Variants in SLC17A5 observed in about 807,000 individuals in gnomAD.
SLC17A5 encodes sialin.
A neutral mutation model predicts 59.4 loss-of-function variants in SLC17A5; 47 were observed. That is an observed-to-expected ratio of 0.79 (90% CI 0.63 to 1.01). SLC17A5 has a LOEUF of 1.01. SLC17A5 is among the 50% of genes least tolerant of loss of function. SLC17A5 has a pLI of 0.00. For missense variants in SLC17A5, 522 were observed against 595.5 expected (o/e 0.88, Z 1.28); for synonymous variants, 202 against 210.7 (o/e 0.96, Z 0.36).
intron 10 of SLC17A5, among the ~76,000 whole-genome samples, chr6:73,597,775 C>T (rs2150073608): frequency 6.6e-6 from 1 of 152,078 alleles, no homozygotes; most frequent in Non-Finnish European, 1.5e-5. Context: ...GATGGAGACC[C>T]TGTCTCAAAA....
At chr6:73,637,707 C>A (rs955487204) in intron 4 of SLC17A5, among the ~76,000 whole-genome samples, 4 of 152,094 alleles carry the variant, frequency 2.6e-5, no homozygotes, top group African/African-American at 9.7e-5. Context: ...CTGAAATGCT[C>A]TTCTCCCTGC....
rs774237535 is a variant in SLC17A5 at position 73,610,449 on chromosome 6, C to G, written c.1210G>C (p.Gly404Arg). Residue 404 changes from glycine (G) to arginine (R), a missense_variant, in exon 9 of 11, where the codon GGC becomes CGC. Coordinates refer to ENST00000355773, the MANE Select transcript of SLC17A5 (RefSeq NM_012434.5). ...AFLTISTTLGGFCSSGFSINH... is the reference protein window; with the variant it reads ...AFLTISTTLGRFCSSGFSINH... ...ATGCTAAATCCAGAAGAGCAAAAGCCTCCCAGTGTTGTTGATATAGTTAGG... is the reference window on the plus strand; with the variant it reads ...ATGCTAAATCCAGAAGAGCAAAAGCGTCCCAGTGTTGTTGATATAGTTAGG... The G allele has an allele frequency of 6.2e-7, 1 of 1,614,154 alleles. No homozygotes were observed. Among genetic ancestry groups the G allele is most frequent in the Non-Finnish European group, 8.5e-7 (1 of 1,180,030 alleles).
intron 1 of SLC17A5, chr6:73,653,497 C>G: frequency 2.0e-6 from 2 of 979,956 alleles, no homozygotes; most frequent in Non-Finnish European, 2.4e-6. Flanking sequence ...TGCACCGCCG[C>G]TCCCCCGCCC....
intron 9 of SLC17A5, among the ~76,000 whole-genome samples, chr6:73,601,669 C>T (rs1391865426): frequency 2.0e-5 from 2 of 100,196 alleles, no homozygotes; most frequent in Non-Finnish European, 2.1e-5. Flanking sequence ...CAGCCAGATG[C>T]CCCGTCCAGG....
intron 6 of SLC17A5, among the ~76,000 whole-genome samples, chr6:73,625,796 G>T (rs1254923803): frequency 6.6e-6 from 1 of 152,148 alleles, no homozygotes; most frequent in East Asian, 1.9e-4. Flanking sequence ...TGAGACCAAG[G>T]TCACACCACA....
intron 7 of SLC17A5, among the ~76,000 whole-genome samples, chr6:73,620,787 C>A (rs595884): frequency 6.7e-6 from 1 of 149,188 alleles, no homozygotes; most frequent in African/African-American, 2.5e-5. Flanking sequence ...AGGGGCATGA[C>A]CTCAGCTCAC....
chr6:73,603,147 T>A (rs1182149386), intron 9 of SLC17A5, among the ~76,000 whole-genome samples: 1 of 152,164 alleles, frequency 6.6e-6, no homozygotes, highest in Non-Finnish European at 1.5e-5. Flanking sequence ...ATTACATTTT[T>A]TTTTTTGAGA....
chr6:73,609,744 T>G (rs529617855), intron 9 of SLC17A5, among the ~76,000 whole-genome samples: 1 of 152,338 alleles, frequency 6.6e-6, no homozygotes, highest in East Asian at 1.9e-4. Flanking sequence ...GTTAAAAGTT[T>G]AAATTTAAAA....
chr6:73,641,926 T>G lies in SLC17A5; in HGVS notation c.292-2A>C, dbSNP rs1057516528. The G allele has an allele frequency of 6.2e-7, 1 of 1,612,510 alleles. No individual in the cohort carries two copies. The highest frequency in any genetic ancestry group is 8.5e-7 in the Non-Finnish European group (1 of 1,178,500). On this transcript the variant is annotated splice_acceptor_variant, in intron 2 of 10. Transcript: ENST00000355773. LOFTEE classifies it high-confidence loss of function. Reference sequence around the variant, plus strand: ...TGCATCCCATTGGTACTTCTTACCCTACAAAAATCAGAAAAGAATAAAACA... The same window carrying G: ...TGCATCCCATTGGTACTTCTTACCCGACAAAAATCAGAAAAGAATAAAACA...
chr6:73,648,435 T>C (rs1769685487), intron 1 of SLC17A5, among the ~76,000 whole-genome samples: 1 of 152,224 alleles, frequency 6.6e-6, no homozygotes, highest in Non-Finnish European at 1.5e-5. Context: ...TAACTGAAAG[T>C]ACACAGGCTA....
chr6:73,633,428 C>T (rs1443785022), intron 6 of SLC17A5, among the ~76,000 whole-genome samples: 2 of 151,758 alleles, frequency 1.3e-5, no homozygotes, highest in Non-Finnish European at 1.5e-5. Context: ...GATGGGGTCT[C>T]GCTATGTTGT....
At chr6:73,641,573 C>G (rs1050505173) in intron 3 of SLC17A5, 118 bp downstream of exon 3, 1 of 764,376 alleles carries the variant, frequency 1.3e-6, no homozygotes, top group Non-Finnish European at 2.2e-6. Flanking sequence ...AAAAAATAAA[C>G]CCCTGTTATC....
intron 9 of SLC17A5, among the ~76,000 whole-genome samples, chr6:73,601,800 G>C (rs1392408001): frequency 6.9e-6 from 1 of 144,550 alleles, no homozygotes; most frequent in African/African-American, 2.6e-5. Context: ...CAGCCGCTCC[G>C]TCCGGGAGGG....
intron 3 of SLC17A5, 22 bp downstream of exon 3, chr6:73,641,669 A>T (rs1427975116): frequency 6.5e-7 from 1 of 1,535,560 alleles, no homozygotes; most frequent in Non-Finnish European, 9.0e-7. Flanking sequence ...AAGAAGTAAA[A>T]CAAGAGAGAA....
intron 10 of SLC17A5, among the ~76,000 whole-genome samples, chr6:73,599,992 C>T (rs768062138): frequency 6.6e-6 from 1 of 152,098 alleles, no homozygotes; most frequent in Non-Finnish European, 1.5e-5. Flanking sequence ...GACGGGGTTT[C>T]ACCATGTTGG....
intron 9 of SLC17A5, among the ~76,000 whole-genome samples, chr6:73,601,513 G>A (rs1581954637): frequency 1.6e-5 from 2 of 127,306 alleles, no homozygotes; most frequent in African/African-American, 6.6e-5. Flanking sequence ...GGGAGGTGGG[G>A]GGGTCAGCCC....
intron 6 of SLC17A5, among the ~76,000 whole-genome samples, chr6:73,627,109 G>A (rs1008971159): frequency 5.5e-5 from 8 of 145,202 alleles, no homozygotes; most frequent in Non-Finnish European, 1.2e-4. Flanking sequence ...ACGGAGTCTC[G>A]CTCTGTCGCC....
chr6:73,602,497 G>A lies in SLC17A5; in HGVS notation c.1260-2056C>T, dbSNP rs867459966. Among the ~76,000 whole-genome samples the A allele has an allele frequency of 4.9e-4, 74 of 152,228 alleles. 1 individual carries two copies. In the Middle Eastern group the frequency reaches 0.01, roughly 21 times the overall value. ...AAAACATTAACATTAGAGGAAGGCT[G>A]GGCGCGGTGGCTCACGCTTGTAATC... On this transcript the variant is annotated intron_variant, in intron 9 of 10. Transcript: ENST00000355773.
At chr6:73,606,045 A>ATTTATTTG (rs1554161536) in intron 9 of SLC17A5, among the ~76,000 whole-genome samples, 1 of 151,914 alleles carries the variant, frequency 6.6e-6, no homozygotes, top group Non-Finnish European at 1.5e-5. Context: ...TTATTTATTT[A>ATTTATTTG]TTTATTTAAT....
Sources: allele counts gnomAD v4.1 joint callset (sites outside exome capture counted in the v4.1 genomes callset), GRCh38; gene constraint gnomAD v4.1.1; transcripts MANE v1.5; gene names NCBI Gene and HGNC (gene_info 2026-07-23, HGNC 2026-07-21).